The following C4orf36 variants were observed in gnomAD, a reference collection of about 807,000 sequenced individuals.
The protein encoded by C4orf36 is uncharacterized protein C4orf36.
In C4orf36, 11 loss-of-function variants were observed where a neutral mutation model predicts 12.2. The ratio of observed to expected loss-of-function variants is 0.90; its 90% CI spans 0.57 to 1.49. C4orf36 has a LOEUF of 1.49. Ranked by LOEUF, C4orf36 falls within the 40% of genes most tolerant of loss-of-function variation. The pLI, the probability that C4orf36 is intolerant of heterozygous loss-of-function variation, is 0.00. For synonymous variants in C4orf36, 54 were observed against 51.3 expected (o/e 1.05, Z -0.22); for missense variants, 137 against 133.9 (o/e 1.02, Z -0.11).
intron 2 of C4orf36, among the ~76,000 whole-genome samples, chr4:86,889,635 G>C (rs1747317451): frequency 6.6e-6 from 1 of 152,182 alleles, no homozygotes. Context: ...TGGGCATGCT[G>C]GCTCATGCCT....
chr4:86,893,966 A>G (rs1475502049), upstream of C4orf36, among the ~76,000 whole-genome samples: 9 of 151,404 alleles, frequency 5.9e-5, no homozygotes, highest in Non-Finnish European at 1.2e-4. Context: ...GCGCCATCTC[A>G]GCTCACTGCA....
At chr4:86,933,036 T>C in the C4orf36 span, 2 of 152,234 alleles carry the variant, frequency 1.3e-5, no homozygotes, top group East Asian at 3.9e-4. Flanking sequence ...AAAGTAGATA[T>C]AAAAAATTTT....
At chr4:86,921,801 G>C in the C4orf36 span, among the ~76,000 whole-genome samples, 1 of 152,060 alleles carries the variant, frequency 6.6e-6, no homozygotes, top group South Asian at 2.1e-4. Flanking sequence ...CTCCCAAACT[G>C]AAATCCTGTA....
chr4:86,888,095 A>G, intron 3 of C4orf36, 26 bp downstream of exon 3: 1 of 1,603,354 alleles, frequency 6.2e-7, no homozygotes, highest in Non-Finnish European at 8.5e-7. Context: ...TTTATAACTT[A>G]TTAAAGCAGA....
chr4:86,892,635 G>T (rs144203524), upstream of C4orf36, among the ~76,000 whole-genome samples: 625 of 152,342 alleles, frequency 4.1e-3, 6 homozygotes, highest in Middle Eastern at 0.014. Context: ...TCCAATGTAG[G>T]GGGCTGCATC....
chr4:86,908,802 G>A, the C4orf36 span, among the ~76,000 whole-genome samples: 1 of 152,138 alleles, frequency 6.6e-6, no homozygotes, highest in African/African-American at 2.4e-5. Context: ...TTCAGGGTCT[G>A]AATTCTCAGA....
At chr4:86,921,565 T>C in the C4orf36 span, among the ~76,000 whole-genome samples, 2 of 152,224 alleles carry the variant, frequency 1.3e-5, no homozygotes, top group Admixed American at 1.3e-4. Context: ...CTTTACAATT[T>C]AGACTTTAGC....
At chr4:86,913,576 C>T in the C4orf36 span, 250 of 1,221,822 alleles carry the variant, frequency 2.0e-4, no homozygotes, top group Non-Finnish European at 2.9e-4. Flanking sequence ...GGCCAGCAGC[C>T]ACCACTCTGT....
the C4orf36 span, chr4:86,913,235 G>C: frequency 1.8e-6 from 1 of 541,730 alleles, no homozygotes; most frequent in East Asian, 4.3e-5. Flanking sequence ...TGTGCTGGAT[G>C]GCGGAAGCTC....
chr4:86,911,605 G>A, the C4orf36 span, among the ~76,000 whole-genome samples: 3 of 152,134 alleles, frequency 2.0e-5, no homozygotes, highest in African/African-American at 7.2e-5. Context: ...ATGCCTTCCT[G>A]GTGTTCCAGG....
the C4orf36 span, among the ~76,000 whole-genome samples, chr4:86,903,960 C>A: frequency 6.6e-6 from 1 of 152,238 alleles, no homozygotes; most frequent in East Asian, 1.9e-4. Flanking sequence ...AGACACAGAG[C>A]GCTGATTGGT....
chr4:86,882,675 G>A (rs977421015), intron 4 of C4orf36, among the ~76,000 whole-genome samples: 3 of 152,160 alleles, frequency 2.0e-5, no homozygotes, highest in Non-Finnish European at 2.9e-5. Flanking sequence ...CTCATGAACT[G>A]TGTCTGTGCC....
intron 2 of C4orf36, chr4:86,890,102 G>A (rs1314214881): frequency 2.2e-6 from 1 of 453,940 alleles, no homozygotes; most frequent in East Asian, 7.0e-5. Context: ...TGAGATGGGA[G>A]GATCACTCAA....
the C4orf36 span, among the ~76,000 whole-genome samples, chr4:86,916,285 T>C: frequency 1.3e-5 from 2 of 150,678 alleles, no homozygotes; most frequent in Non-Finnish European, 2.9e-5. Flanking sequence ...CGTGTGTCTA[T>C]GTGAATGCTC....
At chr4:86,934,941 G>C in the C4orf36 span, 1 of 152,044 alleles carries the variant, frequency 6.6e-6, no homozygotes, top group Admixed American at 6.5e-5. Context: ...GGAGGTGGGG[G>C]TGGGGGCGGG....
the C4orf36 span, chr4:86,914,693 G>A: frequency 5.4e-6 from 2 of 370,870 alleles, no homozygotes; most frequent in Non-Finnish European, 5.2e-6. Flanking sequence ...GAGCCACAGC[G>A]CCCGGCTCCG....
the C4orf36 span, chr4:86,913,907 C>T: frequency 6.2e-5 from 76 of 1,224,998 alleles, no homozygotes; most frequent in Admixed American, 3.9e-4. Context: ...CGGCTCACTA[C>T]GAACTCTCCC....
chr4:86,886,543 C>T (rs577997188), intron 4 of C4orf36: 1 of 152,302 alleles, frequency 6.6e-6, no homozygotes, highest in African/African-American at 2.4e-5. Flanking sequence ...CAGAGAAATG[C>T]AAATCAAAAC....
At chr4:86,920,192 T>C in the C4orf36 span, among the ~76,000 whole-genome samples, 26 of 152,336 alleles carry the variant, frequency 1.7e-4, no homozygotes, top group African/African-American at 5.8e-4. Flanking sequence ...GTATTCCTCT[T>C]TTCCATGTAA....
Sources: allele counts gnomAD v4.1 joint callset (sites outside exome capture counted in the v4.1 genomes callset), GRCh38; gene constraint gnomAD v4.1.1; transcripts MANE v1.5; gene names NCBI Gene and HGNC (gene_info 2026-07-23, HGNC 2026-07-21).